CALB2: variants seen among roughly 807,000 people sequenced by gnomAD.
CALB2 encodes the protein calretinin.
CALB2 carries 34 observed loss-of-function variants against 45.9 expected under a neutral mutation model. The observed-to-expected ratio is 0.74, with a 90% CI of 0.56 to 0.99. CALB2 has a LOEUF of 0.99. Ranked by LOEUF, CALB2 falls within the 50% of genes least tolerant of loss-of-function variation. The pLI, the probability that CALB2 is intolerant of heterozygous loss-of-function variation, is 0.00. For missense variants in CALB2, 344 were observed against 339.3 expected (o/e 1.01, Z -0.11); for synonymous variants, 142 against 129.6 (o/e 1.10, Z -0.65).
intron 4 of CALB2, among the ~76,000 whole-genome samples, chr16:71,382,151 GGAAA>G (rs370177225): frequency 4.2e-5 from 6 of 143,314 alleles, no homozygotes; most frequent in Admixed American, 2.1e-4. Flanking sequence ...AAGGAAGGAA[GGAAA>G]GAAAATAAAG....
At position 71,382,780 on chromosome 16, in the gene CALB2, G is replaced by T; in HGVS notation, c.399+5G>T. 1 of 1,609,660 alleles carries T rather than the reference G, an allele frequency of 6.2e-7. No homozygotes were observed. Among genetic ancestry groups the T allele is most frequent in the Admixed American group, 1.7e-5 (1 of 59,324 alleles). On this transcript the variant is annotated splice_donor_5th_base_variant and intron_variant, in intron 5 of 10. Coordinates refer to ENST00000302628, the MANE Select transcript of CALB2 (RefSeq NM_001740.5). ...ATCGAAGCCAATGAGCTCAAGGTAGGATGGGCCTTGGGGAGGGTGTGAGGC... is the reference window on the plus strand; with the variant it reads ...ATCGAAGCCAATGAGCTCAAGGTAGTATGGGCCTTGGGGAGGGTGTGAGGC...
In CALB2 at chr16:71,384,321, C is replaced by T. The variant is rs367953536; in HGVS notation, c.534-18C>T. ...CCTGTGCAGTCTCCTCATCTCTGCTCTAACATTTTCTCCCCAGACTCCTGC... is the reference window on the plus strand; with the variant it reads ...CCTGTGCAGTCTCCTCATCTCTGCTTTAACATTTTCTCCCCAGACTCCTGC... On this transcript the variant is annotated intron_variant, in intron 7 of 10. Transcript: ENST00000302628. 1.2e-5 allele frequency: 20 copies of T among 1,611,928 alleles called. No homozygotes were observed. The highest frequency in any genetic ancestry group is 1.6e-5 in the Non-Finnish European group (19 of 1,178,398).
At chr16:71,388,096 T>A (rs1023911840) in intron 10 of CALB2, among the ~76,000 whole-genome samples, 2 of 152,142 alleles carry the variant, frequency 1.3e-5, no homozygotes, top group Non-Finnish European at 2.9e-5. Context: ...AGTTTTCTTA[T>A]TAGCAGAATG....
At chr16:71,384,647 A>ACAAT (rs2042546108) in intron 8 of CALB2, 136 bp from the exon 9 acceptor site, 1 of 3,620 alleles carries the variant, frequency 2.8e-4, no homozygotes, top group African/African-American at 3.1e-3. Flanking sequence ...CACACACCAC[A>ACAAT]CAGACCACAC....
chr16:71,385,308 T>G, intron 9 of CALB2: 1 of 425,790 alleles, frequency 2.3e-6, no homozygotes, highest in Admixed American at 3.9e-5. Flanking sequence ...CTCAGGGAGT[T>G]AACCAAATGC....
chr16:71,380,262 C>G (rs1181313687), intron 4 of CALB2, among the ~76,000 whole-genome samples: 8 of 71,510 alleles, frequency 1.1e-4, no homozygotes, highest in Non-Finnish European at 2.3e-4. Context: ...GGATTTCTTT[C>G]TTTTCTTTCT....
chr16:71,382,942 T>A (rs1187627826), intron 5 of CALB2, among the ~76,000 whole-genome samples, 167 bp downstream of exon 5: 1 of 151,938 alleles, frequency 6.6e-6, no homozygotes, highest in African/African-American at 2.4e-5. Context: ...GGGAAATCAG[T>A]AACATAGAGC....
chr16:71,367,859 C>T (rs1036731915), intron 1 of CALB2, among the ~76,000 whole-genome samples: 5 of 152,148 alleles, frequency 3.3e-5, no homozygotes, highest in Admixed American at 2.6e-4. Context: ...CCTCCTGCTG[C>T]CTGTGCTGCA....
At chr16:71,379,394 G>A (rs2042459528) in intron 4 of CALB2, among the ~76,000 whole-genome samples, 1 of 152,046 alleles carries the variant, frequency 6.6e-6, no homozygotes, top group Non-Finnish European at 1.5e-5. Context: ...CATGTCTCTT[G>A]AGTAATATTC....
intron 10 of CALB2, among the ~76,000 whole-genome samples, chr16:71,386,665 C>G (rs532533832): frequency 7.0e-4 from 107 of 152,330 alleles, no homozygotes; most frequent in African/African-American, 2.5e-3. Flanking sequence ...ATGTCTTTCT[C>G]TGAGCAACTG....
At chr16:71,366,750 G>C (rs961837972) in intron 1 of CALB2, among the ~76,000 whole-genome samples, 7 of 152,096 alleles carry the variant, frequency 4.6e-5, no homozygotes, top group African/African-American at 1.7e-4. Flanking sequence ...GGCAATATTT[G>C]TTCCTTCCAT....
intron 3 of CALB2, among the ~76,000 whole-genome samples, chr16:71,375,462 T>G (rs947746508): frequency 6.6e-6 from 1 of 152,124 alleles, no homozygotes; most frequent in Non-Finnish European, 1.5e-5. Context: ...TCCCAGCACT[T>G]TGGGAGGCTG....
chr16:71,363,448 C>T (rs897692610), intron 1 of CALB2, among the ~76,000 whole-genome samples: 11 of 152,182 alleles, frequency 7.2e-5, no homozygotes, highest in Admixed American at 6.5e-4. Context: ...CTGAGGATGG[C>T]TCTACGCAGG....
intron 4 of CALB2, among the ~76,000 whole-genome samples, chr16:71,380,654 A>G (rs1200219448): frequency 6.6e-6 from 1 of 152,084 alleles, no homozygotes; most frequent in East Asian, 1.9e-4. Flanking sequence ...AAGTCCCAGC[A>G]TAACTGCAGA....
chr16:71,377,700 CTTCT>C lies in CALB2; in HGVS notation c.296_299del (p.Leu99ArgfsTer41). ...GATCCTGCCAACCGAAGAGAACTTC[CTTCT>C]GTGCTTCAGGCAGCACGTGGGCTCC... On this transcript the variant is annotated frameshift_variant, in exon 4 of 11. Coordinates refer to ENST00000302628, the MANE Select transcript of CALB2 (RefSeq NM_001740.5). LOFTEE classifies it high-confidence loss of function. 1 of 1,614,082 alleles carries C rather than the reference CTTCT, an allele frequency of 6.2e-7. No homozygotes were observed. Among genetic ancestry groups the C allele is most frequent in the Non-Finnish European group, 8.5e-7 (1 of 1,179,952 alleles).
chr16:71,389,324 G>C (rs1046346838), intron 10 of CALB2, among the ~76,000 whole-genome samples: 1 of 152,238 alleles, frequency 6.6e-6, no homozygotes. Flanking sequence ...GTTTGGCCTT[G>C]AGTTAACCGA....
intron 8 of CALB2, among the ~76,000 whole-genome samples, 165 bp from the exon 9 acceptor site, chr16:71,384,618 C>T (rs1277995332): frequency 0.038 from 239 of 6,342 alleles, 3 homozygotes; most frequent in African/African-American, 0.065. Context: ...GCACACACCC[C>T]ACATACACAG....
intron 1 of CALB2, among the ~76,000 whole-genome samples, chr16:71,359,645 A>G (rs530876534): frequency 1.6e-4 from 25 of 152,256 alleles, no homozygotes; most frequent in Middle Eastern, 3.4e-3. Flanking sequence ...TCACCCAAAA[A>G]GCAAGGGCCA....
At chr16:71,374,641 C>A in intron 2 of CALB2, 104 bp from the exon 3 acceptor site, 1 of 757,834 alleles carries the variant, frequency 1.3e-6, no homozygotes. Context: ...CTTGGTTCTG[C>A]ACCCACTTAC....
Sources: allele counts gnomAD v4.1 joint callset (sites outside exome capture counted in the v4.1 genomes callset), GRCh38; gene constraint gnomAD v4.1.1; transcripts MANE v1.5; gene names NCBI Gene and HGNC (gene_info 2026-07-23, HGNC 2026-07-21).